The following SLAMF6 variants were observed in gnomAD, a reference collection of about 807,000 sequenced individuals.
The protein encoded by SLAMF6 is NK-T-B-antigen.
Under a neutral mutation model 38.3 loss-of-function variants are expected in SLAMF6, and 21 were observed. That is an observed-to-expected ratio of 0.55 (90% CI 0.39 to 0.79). The LOEUF is 0.79. Ranked by LOEUF, SLAMF6 falls within the 30% of genes least tolerant of loss-of-function variation. The pLI, the probability that SLAMF6 is intolerant of heterozygous loss-of-function variation, is 0.00. For synonymous variants in SLAMF6, 152 were observed against 146.3 expected (o/e 1.04, Z -0.28); for missense variants, 341 against 385.3 (o/e 0.89, Z 0.96).
chr1:160,500,966 T>C (rs2025516), intron 1 of SLAMF6, among the ~76,000 whole-genome samples: 72,487 of 151,666 alleles, frequency 0.48, 18,465 homozygotes, highest in East Asian at 0.59. Flanking sequence ...ATTTTATCTA[T>C]GGCTATTTAT....
intron 1 of SLAMF6, among the ~76,000 whole-genome samples, chr1:160,515,129 G>A (rs1654675085): frequency 6.6e-6 from 1 of 151,930 alleles, no homozygotes; most frequent in African/African-American, 2.4e-5. Flanking sequence ...TAACAAAGAA[G>A]AAAAGAGAGA....
intron 7 of SLAMF6, 84 bp from the exon 8 acceptor site, chr1:160,486,838 A>G: frequency 6.8e-7 from 1 of 1,461,622 alleles, no homozygotes; most frequent in Non-Finnish European, 9.6e-7. Context: ...AGAGGACTGG[A>G]GACTACAGAG....
Position 160,486,594 on chromosome 1 carries a change from A to G in SLAMF6, c.*113T>C, listed in dbSNP as rs1652972649. ...ACTGGAGGTGATCATCCTATCCTAG[A>G]TATTCAAATTCTGTTGCCAGGAACA... On this transcript the variant is annotated 3_prime_UTR_variant, in exon 8 of 8. Coordinates refer to ENST00000368057, the MANE Select transcript of SLAMF6 (RefSeq NM_001184714.2). 2 of 1,096,820 alleles carry G rather than the reference A, an allele frequency of 1.8e-6. No individual in the cohort carries two copies. The highest frequency in any genetic ancestry group is 2.4e-5 in the East Asian group (1 of 41,384). The allele number at this position is 1,096,820 out of a possible 1,614,324, so 67.9% of individuals were successfully genotyped here.
chr1:160,493,315 C>T (rs990321547), intron 2 of SLAMF6, among the ~76,000 whole-genome samples: 4 of 152,142 alleles, frequency 2.6e-5, no homozygotes, highest in Admixed American at 6.5e-5. Flanking sequence ...TCCAACAGGT[C>T]TTGGCTCAAA....
At chr1:160,516,747 C>A (rs978035960) in intron 1 of SLAMF6, among the ~76,000 whole-genome samples, 6 of 152,148 alleles carry the variant, frequency 3.9e-5, no homozygotes, top group Admixed American at 1.3e-4. Flanking sequence ...GTGACAAAAA[C>A]AAGCAATGGG....
chr1:160,507,771 A>G (rs1208136697), intron 1 of SLAMF6, among the ~76,000 whole-genome samples: 6 of 152,182 alleles, frequency 3.9e-5, no homozygotes, highest in Non-Finnish European at 8.8e-5. Flanking sequence ...CATAATTAAC[A>G]TAGTGTAAAA....
rs1279699829 is a variant in SLAMF6 at position 160,490,364 on chromosome 1, G to A, written c.758-128C>T. 3 of 1,456,772 alleles carry A rather than the reference G, an allele frequency of 2.1e-6. No homozygotes were observed. In the African/African-American group the frequency reaches 4.2e-5, roughly 20 times the overall value. The allele number at this position is 1,456,772 out of a possible 1,614,324, so 90.2% of individuals were successfully genotyped here. A position where few individuals can be genotyped will look rare whatever the true frequency, so the allele number is the denominator to read the frequency against. Reference sequence around the variant, plus strand: ...GGAAGGGCAAGCAGCCCTGAGACAGGGTCCCACTTTTCCCAGTAGGACATT... The same window carrying A: ...GGAAGGGCAAGCAGCCCTGAGACAGAGTCCCACTTTTCCCAGTAGGACATT... On this transcript the variant is annotated intron_variant, in intron 4 of 7. Coordinates refer to ENST00000368057, the MANE Select transcript of SLAMF6 (RefSeq NM_001184714.2).
chr1:160,489,116 A>G lies in SLAMF6; in HGVS notation c.851T>C (p.Val284Ala). The change falls in exon 6 of 8, where the codon GTG (valine) becomes GCG (alanine). Residue 284 changes from valine (V) to alanine (A), a missense_variant. Transcript: ENST00000368057. ...YVSVSPTNNTVYASVTHSNRE... is the reference protein window; with the variant it reads ...YVSVSPTNNTAYASVTHSNRE... The stretch of plus-strand genomic sequence containing the variant: ...GTTTGAATGAGTGACTGAAGCATAC[A>G]CAGTGTTGTTCGTTGGAGACACTGA... 6.2e-7 allele frequency: 1 copy of G among 1,613,886 alleles called. No homozygotes were observed. The highest frequency in any genetic ancestry group is 8.5e-7 in the Non-Finnish European group (1 of 1,179,816).
rs142430307 is a variant in SLAMF6 at position 160,523,175 on chromosome 1, T to C, written c.18A>G (p.Gln6=). 265 of 1,613,840 alleles carry C rather than the reference T, an allele frequency of 1.6e-4. No homozygotes were observed. The highest frequency in any genetic ancestry group is 2.5e-4 in the East Asian group (11 of 44,876). MLWLF[Q]SLLFVFCFGP... ...CAAAGCAGAAGACAAACAGGAGCGA[T>C]TGGAACAGCCACAACATGCTTTCCG... Residue 6 remains glutamine, a synonymous_variant, in exon 1 of 8, where the codon CAA becomes CAG. Transcript: ENST00000368057.
At chr1:160,495,465 G>A (rs1486373529) in intron 2 of SLAMF6, among the ~76,000 whole-genome samples, 3 of 152,114 alleles carry the variant, frequency 2.0e-5, no homozygotes, top group Non-Finnish European at 2.9e-5. Flanking sequence ...ATGAGCCATC[G>A]GGGGAAAATA....
intron 1 of SLAMF6, among the ~76,000 whole-genome samples, chr1:160,503,933 G>A (rs1654041574): frequency 7.1e-6 from 1 of 141,628 alleles, no homozygotes; most frequent in Non-Finnish European, 1.5e-5. Context: ...GGGGAGGATT[G>A]TTTAAACCTG....
chr1:160,519,631 G>C (rs1347554342), intron 1 of SLAMF6, among the ~76,000 whole-genome samples: 1 of 152,178 alleles, frequency 6.6e-6, no homozygotes, highest in East Asian at 1.9e-4. Flanking sequence ...ATGAAGTACT[G>C]ATACATGGTT....
rs1354488403 is a variant in SLAMF6, at chr1:160,489,118, A to G, written c.849T>C (p.Thr283=). 1 of 1,613,754 alleles carries G rather than the reference A, an allele frequency of 6.2e-7. No individual in the cohort carries two copies. Among genetic ancestry groups the G allele is most frequent in the Non-Finnish European group, 8.5e-7 (1 of 1,179,830 alleles). ...TTGAATGAGTGACTGAAGCATACAC[A>G]GTGTTGTTCGTTGGAGACACTGAAA... ...EYVSVSPTNN[T]VYASVTHSNR... is the part of the protein sequence containing the mutation. The change falls in exon 6 of 8, where the codon ACT becomes ACC. Residue 283 remains threonine (T), a synonymous_variant. Transcript: ENST00000368057.
intron 1 of SLAMF6, among the ~76,000 whole-genome samples, chr1:160,499,982 T>C (rs558487404): frequency 1.0e-3 from 157 of 152,344 alleles, no homozygotes; most frequent in African/African-American, 3.6e-3. Context: ...TACCAGAGAA[T>C]ACAAATATAT....
At position 160,486,614 on chromosome 1, in the gene SLAMF6, G is replaced by T; in HGVS notation, c.*93C>A. ...CCTAGATATTCAAATTCTGTTGCCA[G>T]GAACAACAGGAACCAAGCTTCCTGT... On this transcript the variant is annotated 3_prime_UTR_variant, in exon 8 of 8. Transcript: ENST00000368057. 7.5e-7 allele frequency: 1 copy of T among 1,328,050 alleles called. No homozygotes were observed. The highest frequency in any genetic ancestry group is 1.1e-6 in the Non-Finnish European group (1 of 928,060). The allele number at this position is 1,328,050 out of a possible 1,614,324, so 82.3% of individuals were successfully genotyped here.
In SLAMF6 at chr1:160,486,553, G is replaced by A; in HGVS notation, c.*154C>T. 3 of 689,286 alleles carry A rather than the reference G, an allele frequency of 4.4e-6. No homozygotes were observed. In the South Asian group the frequency reaches 5.5e-5, roughly 13 times the overall value. The allele number at this position is 689,286 out of a possible 1,614,324, so 42.7% of individuals were successfully genotyped here. A position where few individuals can be genotyped will look rare whatever the true frequency, so the allele number is the denominator to read the frequency against. On this transcript the variant is annotated 3_prime_UTR_variant, in exon 8 of 8. Transcript: ENST00000368057. ...CTTAGGTGTTTGACTCAGGTAGGCA[G>A]GTTTAAGTCCGAAGGACTGGAGGTG... is the stretch of plus-strand genomic sequence containing the variant.
chr1:160,487,089 C>A lies in SLAMF6; in HGVS notation c.951+15G>T, dbSNP rs1408575341. The A allele has an allele frequency of 6.3e-7, 1 of 1,584,800 alleles. No homozygotes were observed. The highest frequency in any genetic ancestry group is 8.7e-7 in the Non-Finnish European group (1 of 1,154,936). On this transcript the variant is annotated intron_variant, in intron 7 of 7. Transcript: ENST00000368057. ...GAGGTAAGAATATAAAAACATGGAG[C>A]AATCGTGGGCTTACCTCTTTGGAAT...
chr1:160,498,320 C>CA (rs985411778), intron 1 of SLAMF6, among the ~76,000 whole-genome samples: 2 of 151,784 alleles, frequency 1.3e-5, no homozygotes, highest in Non-Finnish European at 2.9e-5. Context: ...ATTAAAAAGT[C>CA]AAAAAAGTGT....
At chr1:160,495,620 G>A (rs1463842911) in intron 2 of SLAMF6, among the ~76,000 whole-genome samples, 1 of 152,194 alleles carries the variant, frequency 6.6e-6, no homozygotes, top group East Asian at 1.9e-4. Flanking sequence ...GAGGTGTCGT[G>A]GCAGGTAGTT....
Sources: gnomAD v4.1 joint callset for allele counts (sites outside exome capture counted in the v4.1 genomes callset) on GRCh38, gnomAD v4.1.1 for gene constraint, MANE v1.5 for transcripts, NCBI Gene and HGNC (gene_info 2026-07-23, HGNC 2026-07-21) for gene names.